Variants in PPFIBP2 observed in about 807,000 individuals in gnomAD.
The protein encoded by PPFIBP2 is PPFIB scaffold protein 2, also known as liprin-beta-2.
A neutral mutation model predicts 118.3 loss-of-function variants in PPFIBP2; 118 were observed. The ratio of observed to expected loss-of-function variants is 1.00; its 90% confidence interval spans 0.86 to 1.16. The LOEUF (loss-of-function observed/expected upper bound fraction) is 1.16, where lower values mean the gene tolerates loss of function less well. Among genes scored for constraint, PPFIBP2 ranks in the 50% most tolerant of loss-of-function variants. The pLI is 0.00. For missense variants in PPFIBP2, 1,195 were observed against 1,073.1 expected, an observed-to-expected ratio of 1.11 and a Z score of -1.59; for synonymous variants, 414 against 397.4, an observed-to-expected ratio of 1.04 and a Z score of -0.50.
rs1859617878 is a variant in PPFIBP2 at position 7,592,986 on chromosome 11, G to A, written c.280-146G>A. 3 of 1,252,304 alleles carry A rather than the reference G, an allele frequency of 2.4e-6. No individual in the cohort carries two copies. The East Asian group carries it at 8.2e-5, about 34-fold the overall frequency. 77.6% of individuals were successfully genotyped at this position (1,252,304 alleles called of 1,614,324 possible). A position where few individuals can be genotyped will look rare whatever the true frequency, so the allele number is the denominator to read the frequency against. On this transcript the variant is annotated intron_variant, in intron 3 of 23. Coordinates refer to ENST00000299492, the MANE Select transcript of PPFIBP2 (RefSeq NM_003621.5). The stretch of plus-strand genomic sequence containing the variant: ...CTCCTCATGGTAGTTTTGAAATCTT[G>A]TGGTTTCCTGTTTTGATGATTGGTT...
intron 6 of PPFIBP2, among the ~76,000 whole-genome samples, chr11:7,612,443 G>A (rs1187690987): frequency 6.6e-6 from 1 of 152,216 alleles, no homozygotes; most frequent in Non-Finnish European, 1.5e-5. Flanking sequence ...CAGCCCGTGT[G>A]TGGAAGTATA....
chr11:7,556,732 A>G (rs745664967), intron 2 of PPFIBP2, among the ~76,000 whole-genome samples: 4 of 152,212 alleles, frequency 2.6e-5, no homozygotes, highest in Non-Finnish European at 4.4e-5. Context: ...AATGTTCATA[A>G]TCTTGAATGA....
In PPFIBP2 at chr11:7,602,694, C is replaced by T. The variant is rs1269525021; in HGVS notation, c.486+5021C>T. ...GTGGGGAGCAAGTAAGGGCATAATC[C>T]TGCTTTTGGGAAACCTTGGACAACA... On this transcript the variant is annotated intron_variant, in intron 5 of 23. Transcript: ENST00000299492. 2.0e-5 allele frequency among the ~76,000 whole-genome samples: 3 copies of T among 152,296 alleles called. 1 individual carries two copies. Among genetic ancestry groups the T allele is most frequent in the Non-Finnish European group, 1.5e-5 (1 of 68,016 alleles).
intron 23 of PPFIBP2, 48 bp downstream of exon 23, chr11:7,651,892 C>A: frequency 6.5e-7 from 1 of 1,541,956 alleles, no homozygotes; most frequent in Non-Finnish European, 8.9e-7. Context: ...CCTCCTGGCC[C>A]TCACGCAGCA....
intron 2 of PPFIBP2, among the ~76,000 whole-genome samples, chr11:7,564,242 T>C (rs941354782): frequency 1.3e-5 from 2 of 152,010 alleles, no homozygotes; most frequent in African/African-American, 4.8e-5. Context: ...ATATACCAGA[T>C]CTCTGAGGAC....
chr11:7,651,334 G>A (rs1853974922), intron 22 of PPFIBP2: 2 of 359,450 alleles, frequency 5.6e-6, no homozygotes, highest in South Asian at 6.1e-5. Flanking sequence ...AGATCTGTCA[G>A]TGGCAAAGCC....
Position 7,592,275 on chromosome 11 carries a change from G to A in PPFIBP2, c.280-857G>A, listed in dbSNP as rs139029742. ...GACATTAGCTCCTTCTCTCCTGTCT[G>A]CCCACAACCAGGTCAGACACACCCA... On this transcript the variant is annotated intron_variant, in intron 3 of 23. Transcript: ENST00000299492. 3.0e-3 allele frequency among the ~76,000 whole-genome samples: 458 copies of A among 152,216 alleles called. 1 individual carries two copies. The highest frequency in any genetic ancestry group is 0.011 in the African/African-American group (443 of 41,520).
chr11:7,626,673 T>C (rs1850053354), intron 8 of PPFIBP2, among the ~76,000 whole-genome samples: 1 of 152,240 alleles, frequency 6.6e-6, no homozygotes, highest in Non-Finnish European at 1.5e-5. Flanking sequence ...GGATAAATCC[T>C]CAACTACTGT....
chr11:7,579,635 A>G (rs1414020626), intron 3 of PPFIBP2, among the ~76,000 whole-genome samples: 3 of 152,206 alleles, frequency 2.0e-5, no homozygotes, highest in Admixed American at 6.5e-5. Flanking sequence ...TGCCTGCTAC[A>G]GGAGAAGTTA....
In PPFIBP2 at chr11:7,638,161, C is replaced by G. The variant is rs532888483; in HGVS notation, c.1237-1571C>G. Among the ~76,000 whole-genome samples the G allele has an allele frequency of 1.7e-3, 254 of 152,292 alleles. 2 individuals are homozygous for G. The highest frequency in any genetic ancestry group is 3.4e-3 in the Middle Eastern group (1 of 294). The stretch of plus-strand genomic sequence containing the variant: ...AGATCCTTGTTAAAAATATAGACAT[C>G]TGGGGTGTGCTTCCAGAGGGACTGA... On this transcript the variant is annotated intron_variant, in intron 14 of 23. Transcript: ENST00000299492.
chr11:7,663,331 G>A, the PPFIBP2 span, among the ~76,000 whole-genome samples: 1 of 150,598 alleles, frequency 6.6e-6, no homozygotes, highest in East Asian at 1.9e-4. Flanking sequence ...TTTTTGGTGT[G>A]GATGTCCTTT....
intron 1 of PPFIBP2, among the ~76,000 whole-genome samples, chr11:7,522,206 G>A (rs1158689956): frequency 6.6e-6 from 1 of 152,142 alleles, no homozygotes; most frequent in Non-Finnish European, 1.5e-5. Context: ...GCAGAGGCAA[G>A]TGACCATGCC....
intron 3 of PPFIBP2, among the ~76,000 whole-genome samples, chr11:7,570,243 G>C (rs1855509630): frequency 6.6e-6 from 1 of 152,208 alleles, no homozygotes. Flanking sequence ...GCTCTACAGG[G>C]CTGGGGATAG....
At chr11:7,519,178 G>T (rs1156909056) in intron 1 of PPFIBP2, among the ~76,000 whole-genome samples, 6 of 152,222 alleles carry the variant, frequency 3.9e-5, no homozygotes, top group Admixed American at 6.5e-5. Context: ...CGGCTGAGAA[G>T]ATAAAGAGGA....
chr11:7,604,497 C>A (rs1226363496), intron 5 of PPFIBP2, among the ~76,000 whole-genome samples: 2 of 149,846 alleles, frequency 1.3e-5, no homozygotes, highest in African/African-American at 4.9e-5. Flanking sequence ...TACCTACTCA[C>A]CCACCCATAC....
intron 3 of PPFIBP2, among the ~76,000 whole-genome samples, chr11:7,591,141 T>A (rs1859210193): frequency 6.6e-6 from 1 of 152,160 alleles, no homozygotes; most frequent in Non-Finnish European, 1.5e-5. Flanking sequence ...AATAGTTACC[T>A]CTCTGGGTGA....
intron 11 of PPFIBP2, chr11:7,632,497 A>C: frequency 6.1e-6 from 1 of 165,052 alleles, no homozygotes; most frequent in East Asian, 1.6e-4. Flanking sequence ...AACCTAAGCC[A>C]AAAAGAATGT....
At chr11:7,549,600 C>A in intron 2 of PPFIBP2, 61 bp downstream of exon 2, 21 of 1,308,256 alleles carry the variant, frequency 1.6e-5, no homozygotes, top group Admixed American at 3.3e-5. Flanking sequence ...AACTGCTTCT[C>A]TCCTTTTACT....
At chr11:7,644,497 T>G (rs1385184042) in intron 17 of PPFIBP2, among the ~76,000 whole-genome samples, 1 of 152,214 alleles carries the variant, frequency 6.6e-6, no homozygotes, top group South Asian at 2.1e-4. Flanking sequence ...TGAGTTGATC[T>G]ACTGACTGTA....
Sources: gnomAD v4.1 joint callset for allele counts (sites outside exome capture counted in the v4.1 genomes callset) on GRCh38, gnomAD v4.1.1 for gene constraint, MANE v1.5 for transcripts, NCBI Gene and HGNC (gene_info 2026-07-23, HGNC 2026-07-21) for gene names.